Variants in ANKRD30BL observed in about 807,000 individuals in gnomAD.
ANKRD30BL encodes the protein ankyrin repeat domain 30B like.
In ANKRD30BL, 20 loss-of-function variants were observed where a neutral mutation model predicts 18.4. The ratio of observed to expected loss-of-function variants is 1.09; its 90% CI spans 0.77 to 1.58. The LOEUF is 1.58. Among genes scored for constraint, ANKRD30BL ranks in the 40% most tolerant of loss-of-function variants. The pLI is 0.00. For synonymous variants in ANKRD30BL, 72 were observed against 100.9 expected (o/e 0.71, Z 1.72); for missense variants, 224 against 268.6 (o/e 0.83, Z 1.16).
At chr2:132,203,529 T>C (rs1234231159) in intron 1 of ANKRD30BL, among the ~76,000 whole-genome samples, 1 of 152,174 alleles carries the variant, frequency 6.6e-6, no homozygotes, top group Non-Finnish European at 1.5e-5. Context: ...TAATGCTGTT[T>C]AATTTCTTTA....
rs1366348316 is a variant in ANKRD30BL, at chr2:132,228,428, A to G, written n.441+29101T>C. 2.7e-5 allele frequency among the ~76,000 whole-genome samples: 4 copies of G among 150,110 alleles called. No homozygotes were observed. In the South Asian group the frequency reaches 8.4e-4, roughly 32 times the overall value. On this transcript the variant is annotated intron_variant and non_coding_transcript_variant, in intron 1 of 4. Transcript: ENST00000470729. The stretch of plus-strand genomic sequence containing the variant: ...CAACCTATGTTAGAAAAGGAAATAT[A>G]TTACCATAAAATCTAGATAGAATGA...
At chr2:132,148,352 C>CTTTTTTTTTTTCTTTTTTT (rs1687665446) in intron 5 of ANKRD30BL, 124 bp from the exon 6 acceptor site, 1 of 151,090 alleles carries the variant, frequency 6.6e-6, no homozygotes, top group Non-Finnish European at 1.2e-5. Flanking sequence ...TTGTTTTCTC[C>CTTTTTTTTTTTCTTTTTTT]TTTTTTTTTT....
At chr2:132,213,658 C>T (rs1573848974) in intron 1 of ANKRD30BL, among the ~76,000 whole-genome samples, 1 of 152,354 alleles carries the variant, frequency 6.6e-6, no homozygotes, top group South Asian at 2.1e-4. Flanking sequence ...CACATAAAAA[C>T]TAGACAGAAG....
intron 1 of ANKRD30BL, among the ~76,000 whole-genome samples, chr2:132,220,509 G>T (rs540822702): frequency 1.3e-5 from 2 of 151,880 alleles, no homozygotes; most frequent in Admixed American, 1.3e-4. Flanking sequence ...GATTGCAGGC[G>T]CGCGTCGCCA....
At chr2:132,242,319 C>A (rs796168462) in intron 1 of ANKRD30BL, among the ~76,000 whole-genome samples, 1 of 151,636 alleles carries the variant, frequency 6.6e-6, no homozygotes, top group Non-Finnish European at 1.5e-5. Context: ...TTAGAATCTG[C>A]AAGTGGATAT....
intron 1 of ANKRD30BL, chr2:132,257,192 C>T (rs796609525): frequency 5.1e-5 from 22 of 429,274 alleles, no homozygotes; most frequent in African/African-American, 4.2e-4. Flanking sequence ...TCCTCCAACC[C>T]GGTCAAGCTC....
chr2:132,226,410 T>C (rs372323542), intron 1 of ANKRD30BL, among the ~76,000 whole-genome samples: 3 of 150,178 alleles, frequency 2.0e-5, no homozygotes, highest in Non-Finnish European at 4.4e-5. Context: ...TGTGCATTCT[T>C]CTCACAGAGT....
chr2:132,227,559 T>C (rs1416031844), intron 1 of ANKRD30BL, among the ~76,000 whole-genome samples: 9 of 150,882 alleles, frequency 6.0e-5, no homozygotes, highest in Admixed American at 4.6e-4. Flanking sequence ...TCACATAAAA[T>C]CTAGACAGCA....
At chr2:132,200,995 T>G (rs1311320138) in intron 1 of ANKRD30BL, among the ~76,000 whole-genome samples, 1 of 152,098 alleles carries the variant, frequency 6.6e-6, no homozygotes, top group Non-Finnish European at 1.5e-5. Flanking sequence ...ATGCCACATA[T>G]CTACAACTAT....
At chr2:132,225,931 G>T (rs1679832722) in intron 1 of ANKRD30BL, among the ~76,000 whole-genome samples, 1 of 152,068 alleles carries the variant, frequency 6.6e-6, no homozygotes, top group Non-Finnish European at 1.5e-5. Context: ...TGATAGAGAA[G>T]GTTTGAAACA....
chr2:132,207,975 G>T (rs199875720), intron 1 of ANKRD30BL, among the ~76,000 whole-genome samples: 1 of 137,574 alleles, frequency 7.3e-6, no homozygotes, highest in Admixed American at 7.3e-5. Flanking sequence ...ATGTGAAATT[G>T]TTTCTCAAAA....
chr2:132,180,220 C>CTT (rs34690292), intron 1 of ANKRD30BL, among the ~76,000 whole-genome samples: 2 of 136,820 alleles, frequency 1.5e-5, no homozygotes, highest in Non-Finnish European at 3.1e-5. Context: ...CAAGTGTACC[C>CTT]TTTTTTTTTT....
At chr2:132,252,831 G>A (rs1006430211) in intron 1 of ANKRD30BL, among the ~76,000 whole-genome samples, 1 of 152,154 alleles carries the variant, frequency 6.6e-6, no homozygotes, top group African/African-American at 2.4e-5. Flanking sequence ...GAGGCATGAG[G>A]GAGCCCCCAA....
intron 1 of ANKRD30BL, among the ~76,000 whole-genome samples, chr2:132,224,989 A>G (rs1679802248): frequency 6.6e-6 from 1 of 152,042 alleles, no homozygotes; most frequent in Admixed American, 6.6e-5. Context: ...CTTCACATAA[A>G]AACTAGACAG....
chr2:132,245,495 CAA>C, intron 1 of ANKRD30BL, among the ~76,000 whole-genome samples: 11 of 152,202 alleles, frequency 7.2e-5, no homozygotes, highest in African/African-American at 2.7e-4. Flanking sequence ...GTGATGCTTG[CAA>C]TCAACTCACA....
At chr2:132,208,176 C>T (rs1052858228) in intron 1 of ANKRD30BL, among the ~76,000 whole-genome samples, 12 of 152,074 alleles carry the variant, frequency 7.9e-5, no homozygotes, top group East Asian at 1.9e-4. Flanking sequence ...TAGTCCAAAA[C>T]GTTTCTCTTT....
intron 1 of ANKRD30BL, among the ~76,000 whole-genome samples, chr2:132,176,955 T>C (rs1407735966): frequency 6.6e-6 from 1 of 152,210 alleles, no homozygotes; most frequent in Non-Finnish European, 1.5e-5. Context: ...CTTTAAAATT[T>C]TAAATAGATT....
chr2:132,201,631 G>T (rs916099129), intron 1 of ANKRD30BL, among the ~76,000 whole-genome samples: 1 of 152,142 alleles, frequency 6.6e-6, no homozygotes, highest in Non-Finnish European at 1.5e-5. Flanking sequence ...TCATTAAAAA[G>T]TCAGGAAACA....
intron 1 of ANKRD30BL, among the ~76,000 whole-genome samples, chr2:132,241,091 G>C (rs1270613183): frequency 6.6e-6 from 1 of 151,774 alleles, no homozygotes; most frequent in Non-Finnish European, 1.5e-5. Flanking sequence ...CCTTTTCATA[G>C]AGCAGTTTTG....
Sources: allele counts gnomAD v4.1 joint callset (sites outside exome capture counted in the v4.1 genomes callset), GRCh38; gene constraint gnomAD v4.1.1; transcripts MANE v1.5; gene names NCBI Gene and HGNC (gene_info 2026-07-23, HGNC 2026-07-21).